The following CTHRC1 variants were observed in gnomAD, a reference collection of about 807,000 sequenced individuals.
CTHRC1 encodes collagen triple helix repeat-containing protein 1.
Under a neutral mutation model 25.9 loss-of-function variants are expected in CTHRC1, and 21 were observed. The ratio of observed to expected loss-of-function variants is 0.81; its 90% CI spans 0.57 to 1.17. The LOEUF (loss-of-function observed/expected upper bound fraction) is 1.17, where lower values mean the gene tolerates loss of function less well. Among genes scored for constraint, CTHRC1 ranks in the 50% most tolerant of loss-of-function variants. CTHRC1 has a pLI of 0.00. For missense variants in CTHRC1, 281 were observed against 304.3 expected, an observed-to-expected ratio of 0.92 and a Z score of 0.57; for synonymous variants, 109 against 113.1, an observed-to-expected ratio of 0.96 and a Z score of 0.23.
intron 3 of CTHRC1, among the ~76,000 whole-genome samples, chr8:103,379,785 C>T (rs753449271): frequency 2.6e-5 from 4 of 152,164 alleles, no homozygotes; most frequent in Non-Finnish European, 5.9e-5. Flanking sequence ...CTTTAGGGCT[C>T]CAAGTCAGGT....
intron 3 of CTHRC1, among the ~76,000 whole-genome samples, chr8:103,379,722 G>A (rs1415415641): frequency 6.6e-6 from 1 of 152,072 alleles, no homozygotes; most frequent in East Asian, 1.9e-4. Context: ...TGGTTGAGGG[G>A]AGGGAGGAGA....
intron 1 of CTHRC1, among the ~76,000 whole-genome samples, chr8:103,375,358 CTG>C (rs1035497819): frequency 4.8e-4 from 73 of 152,166 alleles, no homozygotes; most frequent in African/African-American, 1.8e-3. Context: ...TTGCATAAAA[CTG>C]TAAAAATCCA....
At chr8:103,374,073 T>C (rs1209810899) in intron 1 of CTHRC1, among the ~76,000 whole-genome samples, 1 of 152,226 alleles carries the variant, frequency 6.6e-6, no homozygotes, top group Non-Finnish European at 1.5e-5. Context: ...TGCTTTTTCT[T>C]TTCTTTTTTT....
rs1563709404 is a variant in CTHRC1 at position 103,378,121 on chromosome 8, G to GTTGGTATT, written c.469_476dup (p.Thr160GlyfsTer19). 6.2e-7 allele frequency: 1 copy of GTTGGTATT among 1,614,044 alleles called. No homozygotes were observed. The highest frequency in any genetic ancestry group is 2.2e-5 in the East Asian group (1 of 44,890). On this transcript the variant is annotated frameshift_variant, in exon 3 of 4. Coordinates refer to ENST00000330295, the MANE Select transcript of CTHRC1 (RefSeq NM_138455.4). LOFTEE classifies it high-confidence loss of function. Reference sequence around the variant, plus strand: ...AAATGCAGAAATGCATGCTGTCAGCGTTGGTATTTCACATTCAATGGAGCT... The same window carrying GTTGGTATT: ...AAATGCAGAAATGCATGCTGTCAGCGTTGGTATTTTGGTATTTCACATTCAATGGAGCT...
intron 3 of CTHRC1, among the ~76,000 whole-genome samples, chr8:103,379,799 G>A (rs1815874031): frequency 6.6e-6 from 1 of 152,076 alleles, no homozygotes; most frequent in Admixed American, 6.5e-5. Flanking sequence ...GTCAGGTACT[G>A]AACCCCAAAA....
chr8:103,375,728 C>G lies in CTHRC1; in HGVS notation c.151-10C>G, dbSNP rs1279733596. ...TGAGAGTTTTCTTTGCCTTTTCTTT[C>G]TCATTATAGTATAATGGAATGTGCT... On this transcript the variant is annotated splice_polypyrimidine_tract_variant and intron_variant, in intron 1 of 3. Transcript: ENST00000330295. 1 of 1,608,658 alleles carries G rather than the reference C, an allele frequency of 6.2e-7. No homozygotes were observed. The highest frequency in any genetic ancestry group is 8.5e-7 in the Non-Finnish European group (1 of 1,175,086).
intron 1 of CTHRC1, 56 bp downstream of exon 1, chr8:103,371,862 C>A: frequency 6.9e-7 from 1 of 1,440,382 alleles, no homozygotes; most frequent in Non-Finnish European, 9.2e-7. Flanking sequence ...GACCTGGCCG[C>A]GCGCCCCACG....
chr8:103,374,508 TAGAC>T (rs1345733645), intron 1 of CTHRC1, among the ~76,000 whole-genome samples: 2 of 152,166 alleles, frequency 1.3e-5, no homozygotes, highest in Non-Finnish European at 2.9e-5. Flanking sequence ...ACACAGGAAT[TAGAC>T]AGGTGGGGCA....
chr8:103,371,867 C>T, intron 1 of CTHRC1, 61 bp downstream of exon 1: 1 of 1,437,598 alleles, frequency 7.0e-7, no homozygotes, highest in South Asian at 1.5e-5. Context: ...GGCCGCGCGC[C>T]CCACGGGCAG....
chr8:103,379,466 T>C (rs1444732482), intron 3 of CTHRC1, among the ~76,000 whole-genome samples: 2 of 145,910 alleles, frequency 1.4e-5, no homozygotes, highest in Admixed American at 1.3e-4. Flanking sequence ...TACCAGAAAA[T>C]AGAAGAGTTA....
At chr8:103,372,573 A>G (rs1369521869) in intron 1 of CTHRC1, 1 of 1,598,382 alleles carries the variant, frequency 6.3e-7, no homozygotes, top group Admixed American at 1.7e-5. Context: ...AGGTAGGAGC[A>G]TCACAGTCAA....
At chr8:103,380,484 A>G (rs920356349) in intron 3 of CTHRC1, among the ~76,000 whole-genome samples, 5 of 152,252 alleles carry the variant, frequency 3.3e-5, no homozygotes, top group Non-Finnish European at 7.3e-5. Flanking sequence ...ACTTATAGTT[A>G]GCATATCAGA....
chr8:103,376,125 C>A, intron 2 of CTHRC1, 166 bp downstream of exon 2: 2 of 645,888 alleles, frequency 3.1e-6, no homozygotes, highest in South Asian at 1.8e-5. Context: ...TATAACATTT[C>A]AGAATTTCAT....
intron 1 of CTHRC1, among the ~76,000 whole-genome samples, chr8:103,374,933 A>C (rs1425855403): frequency 2.0e-5 from 3 of 152,220 alleles, no homozygotes; most frequent in Non-Finnish European, 4.4e-5. Flanking sequence ...TCTAGAATCC[A>C]TGCATTTAAA....
chr8:103,375,547 T>A (rs1815788894), intron 1 of CTHRC1, among the ~76,000 whole-genome samples, 191 bp from the exon 2 acceptor site: 1 of 152,138 alleles, frequency 6.6e-6, no homozygotes, highest in East Asian at 1.9e-4. Flanking sequence ...CACTAAAAAA[T>A]ATGAAGGAAA....
At chr8:103,371,841 CT>C in intron 1 of CTHRC1, 35 bp downstream of exon 1, 33 of 1,474,560 alleles carry the variant, frequency 2.2e-5, no homozygotes, top group Non-Finnish European at 3.0e-5. Context: ...GACCGCCGCG[CT>C]GGTGGAGGGG....
intron 1 of CTHRC1, among the ~76,000 whole-genome samples, chr8:103,375,005 G>C (rs901313568): frequency 1.3e-5 from 2 of 152,138 alleles, no homozygotes; most frequent in Non-Finnish European, 2.9e-5. Context: ...CAGTTTGACA[G>C]ATTGTGGATG....
rs940719672 is a variant in CTHRC1 at position 103,382,685 on chromosome 8, T to C, written c.*85T>C. On this transcript the variant is annotated 3_prime_UTR_variant, in exon 4 of 4. Transcript: ENST00000330295. ...ATGACATTTTAAATAAGTTTATGTA[T>C]ACATCTGAATGAAAAGCAAAGCTAA... 4 of 1,181,144 alleles carry C rather than the reference T, an allele frequency of 3.4e-6. No homozygotes were observed. Among genetic ancestry groups the C allele is most frequent in the East Asian group, 2.3e-5 (1 of 42,768 alleles). 73.2% of individuals were successfully genotyped at this position (1,181,144 alleles called of 1,614,324 possible).
At chr8:103,373,065 TA>T (rs971521215) in intron 1 of CTHRC1, among the ~76,000 whole-genome samples, 1 of 152,200 alleles carries the variant, frequency 6.6e-6, no homozygotes, top group Admixed American at 6.5e-5. Context: ...GTGTCCAAAT[TA>T]TTAAAACTGT....
Sources: allele counts gnomAD v4.1 joint callset (sites outside exome capture counted in the v4.1 genomes callset), GRCh38; gene constraint gnomAD v4.1.1; transcripts MANE v1.5; gene names NCBI Gene and HGNC (gene_info 2026-07-23, HGNC 2026-07-21).